Variants in RBM38 observed in about 807,000 individuals in gnomAD.
RBM38 encodes RNA binding motif protein 38.
RBM38 carries 11 observed loss-of-function variants against 23.5 expected under a neutral mutation model. That is an observed-to-expected ratio of 0.47 (90% CI 0.29 to 0.77). The LOEUF is 0.77. Ranked by LOEUF, RBM38 falls within the 30% of genes least tolerant of loss-of-function variation. The probability of loss-of-function intolerance (pLI) is 0.08; values close to 1 mark genes in which losing one functional copy is unlikely to be tolerated. For missense variants in RBM38, 330 were observed against 351.9 expected, an observed-to-expected ratio of 0.94 and a Z score of 0.50; for synonymous variants, 165 against 166.1, an observed-to-expected ratio of 0.99 and a Z score of 0.05.
intron 3 of RBM38, among the ~76,000 whole-genome samples, chr20:57,393,991 G>GAC (rs2067247813): frequency 6.6e-6 from 1 of 151,914 alleles, no homozygotes; most frequent in Non-Finnish European, 1.5e-5. Flanking sequence ...CTTGGGGAGG[G>GAC]ACACACACAC....
At chr20:57,402,884 G>A (rs2067343442) in intron 3 of RBM38, among the ~76,000 whole-genome samples, 1 of 152,256 alleles carries the variant, frequency 6.6e-6, no homozygotes, top group Non-Finnish European at 1.5e-5. Flanking sequence ...GTGGGCACCT[G>A]TGGTCAGAGC....
intron 3 of RBM38, among the ~76,000 whole-genome samples, chr20:57,394,558 C>G (rs2067255232): frequency 6.6e-6 from 1 of 152,136 alleles, no homozygotes; most frequent in African/African-American, 2.4e-5. Flanking sequence ...AGCTCAGGTT[C>G]CTGCCGGGGT....
At chr20:57,392,486 G>A in intron 1 of RBM38, 168 bp from the exon 2 acceptor site, 1 of 1,534,052 alleles carries the variant, frequency 6.5e-7, no homozygotes. Flanking sequence ...TTGTGGGAGA[G>A]CCCCAGGTAG....
intron 3 of RBM38, among the ~76,000 whole-genome samples, chr20:57,400,919 G>A (rs952314562): frequency 2.0e-5 from 3 of 152,176 alleles, no homozygotes; most frequent in South Asian, 2.1e-4. Flanking sequence ...TGGGGAGCGC[G>A]TGGGACTCCA....
At chr20:57,399,500 G>C (rs2067306642) in intron 3 of RBM38, among the ~76,000 whole-genome samples, 3 of 152,226 alleles carry the variant, frequency 2.0e-5, no homozygotes, top group South Asian at 4.1e-4. Flanking sequence ...GAAGATTCTG[G>C]AGCTTTGGGC....
intron 3 of RBM38, among the ~76,000 whole-genome samples, chr20:57,398,547 C>A (rs2067297578): frequency 6.9e-6 from 1 of 144,924 alleles, no homozygotes; most frequent in South Asian, 2.1e-4. Context: ...GCCCCGCCGC[C>A]CCCCTGCCCC....
chr20:57,402,360 A>G (rs1393145812), intron 3 of RBM38, among the ~76,000 whole-genome samples: 1 of 152,152 alleles, frequency 6.6e-6, no homozygotes, highest in Non-Finnish European at 1.5e-5. Flanking sequence ...AAGGAGAGGG[A>G]GGATCGGAGA....
intron 3 of RBM38, among the ~76,000 whole-genome samples, chr20:57,402,521 G>A (rs932313046): frequency 1.3e-5 from 2 of 152,232 alleles, no homozygotes; most frequent in African/African-American, 4.8e-5. Flanking sequence ...AGGCAGACAC[G>A]TGCCCTGGCA....
rs2067415674 is a variant in RBM38, at chr20:57,408,816, C to T, written c.*970C>T. 6.6e-6 allele frequency: 1 copy of T among 152,548 alleles called. No homozygotes were observed. Among genetic ancestry groups the T allele is most frequent in the Non-Finnish European group, 1.5e-5 (1 of 68,058 alleles). The allele number at this position is 152,548 out of a possible 1,614,324, so 9.4% of individuals were successfully genotyped here. On this transcript the variant is annotated 3_prime_UTR_variant, in exon 4 of 4. Transcript: ENST00000356208. ...TCACTGCGACGTTGACACTCCTCTC[C>T]CTTCCCTTCCTCCCCAACTCCCCAA... is the stretch of plus-strand genomic sequence containing the variant.
chr20:57,394,306 C>T (rs925800046), intron 3 of RBM38, among the ~76,000 whole-genome samples: 2 of 149,154 alleles, frequency 1.3e-5, no homozygotes, highest in Non-Finnish European at 1.5e-5. Context: ...CTGTGGAACC[C>T]GGCTGAGCCT....
intron 1 of RBM38, chr20:57,392,342 G>A: frequency 7.8e-7 from 1 of 1,282,788 alleles, no homozygotes; most frequent in Non-Finnish European, 1.1e-6. Flanking sequence ...TGGTGGGCAA[G>A]TCCAGGCGGC....
chr20:57,393,091 G>A lies in RBM38; in HGVS notation c.362-188G>A, dbSNP rs138744576. 7.1e-4 allele frequency: 472 copies of A among 661,202 alleles called. 1 individual carries two copies. The highest frequency in any genetic ancestry group is 1.2e-3 in the Admixed American group (45 of 37,824). 41.0% of individuals were successfully genotyped at this position (661,202 alleles called of 1,614,324 possible). On this transcript the variant is annotated intron_variant, in intron 2 of 3. Transcript: ENST00000356208. Reference sequence around the variant, plus strand: ...GACACCAGTGGCTGCTGACACCTGCGTCACTCACTGCCACACTTCAGCGGT... The same window carrying A: ...GACACCAGTGGCTGCTGACACCTGCATCACTCACTGCCACACTTCAGCGGT...
intron 3 of RBM38, among the ~76,000 whole-genome samples, chr20:57,402,549 GAC>G (rs1158152506): frequency 6.6e-6 from 1 of 152,228 alleles, no homozygotes; most frequent in African/African-American, 2.4e-5. Context: ...CTGTGCAGGG[GAC>G]ACACTTGGTG....
At chr20:57,393,408 T>A in intron 3 of RBM38, 75 bp downstream of exon 3, 9 of 1,447,544 alleles carry the variant, frequency 6.2e-6, no homozygotes, top group Non-Finnish European at 7.8e-6. Flanking sequence ...TTCCTGGGTC[T>A]GGAAGGCTGG....
chr20:57,402,202 C>G (rs1460029736), intron 3 of RBM38, among the ~76,000 whole-genome samples: 1 of 152,186 alleles, frequency 6.6e-6, no homozygotes, highest in African/African-American at 2.4e-5. Context: ...GCCTCGGCCT[C>G]CCTAAGTGCT....
rs567057735 is a variant in RBM38, at chr20:57,407,145, C to T, written c.417-398C>T. Among the ~76,000 whole-genome samples, 82 of 152,304 alleles carry T rather than the reference C, an allele frequency of 5.4e-4. No individual in the cohort carries two copies. The highest frequency in any genetic ancestry group is 1.9e-3 in the African/African-American group (77 of 41,570). On this transcript the variant is annotated intron_variant, in intron 3 of 3. Transcript: ENST00000356208. This position sits in a 1 kb window ranked among gnomAD's most constrained non-coding sequence, Gnocchi z 4.0. ...GGACAGGGCTGGCCTCCCAGACATG[C>T]AACCAGGACATTCGTACCGGGCCCT...
chr20:57,400,064 C>T (rs2067312273), intron 3 of RBM38: 2 of 448,844 alleles, frequency 4.5e-6, no homozygotes, highest in Non-Finnish European at 9.0e-6. Context: ...ACGGGGTTCT[C>T]AGACTCTGCC....
chr20:57,406,829 T>TA (rs1201078208), intron 3 of RBM38, among the ~76,000 whole-genome samples: 1 of 151,888 alleles, frequency 6.6e-6, no homozygotes, highest in Non-Finnish European at 1.5e-5. Context: ...TCATCTCTAC[T>TA]AAAAATACAA....
Position 57,407,780 on chromosome 20 carries a change from AGCACCCGCGG to A in RBM38, c.660_669del (p.Ala221LeufsTer39). 6.2e-7 allele frequency: 1 copy of A among 1,605,946 alleles called. No homozygotes were observed. The highest frequency in any genetic ancestry group is 8.5e-7 in the Non-Finnish European group (1 of 1,177,692). On this transcript the variant is annotated frameshift_variant, in exon 4 of 4. Transcript: ENST00000356208. LOFTEE classifies it high-confidence loss of function. The surrounding 1 kb of genome is among the most constrained non-coding windows in gnomAD (Gnocchi z 4.0). ...CCGTGCCCCAGGCCCTCTCAGCCGC[AGCACCCGCGG>A]GCACCACTTTCGTGCAGTACCAGGC...
Sources: gnomAD v4.1 joint callset for allele counts (sites outside exome capture counted in the v4.1 genomes callset) on GRCh38, gnomAD v4.1.1 for gene constraint, Gnocchi (gnomAD v3.1) non-coding constraint, MANE v1.5 for transcripts, NCBI Gene and HGNC (gene_info 2026-07-23, HGNC 2026-07-21) for gene names.